The following RDH13 variants were observed in gnomAD, a reference collection of about 807,000 sequenced individuals.
RDH13 encodes the protein retinol dehydrogenase 13.
A neutral mutation model predicts 28.3 loss-of-function variants in RDH13; 35 were observed. That is an observed-to-expected ratio of 1.24 (90% confidence interval 0.95 to 1.64). The LOEUF (loss-of-function observed/expected upper bound fraction) is 1.64, where lower values mean the gene tolerates loss of function less well. Among genes scored for constraint, RDH13 ranks in the 40% most tolerant of loss-of-function variants. The pLI is 0.00. For missense variants in RDH13, 514 were observed against 446.3 expected (o/e 1.15, Z -1.37); for synonymous variants, 229 against 198.5 (o/e 1.15, Z -1.29).
At chr19:55,055,593 A>C (rs1419529721) in intron 3 of RDH13, among the ~76,000 whole-genome samples, 2 of 151,514 alleles carry the variant, frequency 1.3e-5, no homozygotes, top group East Asian at 2.0e-4. Context: ...TAATCCCAGC[A>C]CTGTGGGAAG....
rs753110045 is a variant in RDH13 at position 55,062,979 on chromosome 19, G to A, written c.54C>T (p.Ala18=). The change falls in exon 1 of 7, where the codon GCC becomes GCT. Residue 18 remains alanine, a synonymous_variant. Transcript: ENST00000415061. ...LSALGTVAGA[A]VLLKDYVTGG... ...TAGAATGTACTCACTTGAGCAGCAC[G>A]GCGGCGCCTGCTACCGTGCCCAGCG... The A allele has an allele frequency of 1.9e-5, 28 of 1,477,722 alleles. No individual in the cohort carries two copies. In the African/African-American group the frequency reaches 3.2e-4, roughly 17 times the overall value. The allele number at this position is 1,477,722 out of a possible 1,614,324, so 91.5% of individuals were successfully genotyped here.
intron 3 of RDH13, among the ~76,000 whole-genome samples, chr19:55,049,307 C>T (rs1178725956): frequency 6.6e-6 from 1 of 152,162 alleles, no homozygotes; most frequent in African/African-American, 2.4e-5. Context: ...CGGTGGGAGC[C>T]CCGGCACCGC....
intron 2 of RDH13, among the ~76,000 whole-genome samples, chr19:55,057,564 C>G (rs1181720558): frequency 6.6e-6 from 1 of 151,798 alleles, no homozygotes; most frequent in Non-Finnish European, 1.5e-5. Flanking sequence ...TCCCGAGTAG[C>G]TGGGATTACA....
chr19:55,047,487 G>A lies in RDH13; in HGVS notation c.660C>T (p.Gly220=), dbSNP rs541257399. ...GCAGGGCGTTGACAGTCACACCAGA[G>A]CCTGGGGAAGAAAGAAAGAGAAGAC... ...FTKELSRRLQ[G]SGVTVNALHP... is the part of the protein sequence containing the mutation. Residue 220 remains glycine (G), a splice_region_variant and synonymous_variant, in exon 6 of 7, where the codon GGC becomes GGT. Transcript: ENST00000415061. 4.4e-6 allele frequency: 7 copies of A among 1,604,806 alleles called. No homozygotes were observed. Among genetic ancestry groups the A allele is most frequent in the Non-Finnish European group, 5.9e-6 (7 of 1,179,284 alleles).
chr19:55,059,652 A>AC (rs1210465710), intron 1 of RDH13, among the ~76,000 whole-genome samples: 9 of 152,058 alleles, frequency 5.9e-5, no homozygotes, highest in Non-Finnish European at 1.0e-4. Context: ...ACATGGCGAG[A>AC]CCCCGTCTCT....
chr19:55,057,120 A>G (rs1276203222), intron 2 of RDH13, among the ~76,000 whole-genome samples: 1 of 152,174 alleles, frequency 6.6e-6, no homozygotes, highest in Non-Finnish European at 1.5e-5. Context: ...AAGACCACAC[A>G]GCGTACAATC....
downstream of RDH13, chr19:55,040,660 G>A (rs146876314): frequency 1.9e-3 from 292 of 152,264 alleles, no homozygotes; most frequent in African/African-American, 6.9e-3. Context: ...AATTTTAAAC[G>A]TGTTAATAAA....
downstream of RDH13, chr19:55,042,669 C>G (rs754183535): frequency 6.6e-6 from 1 of 152,194 alleles, no homozygotes; most frequent in African/African-American, 2.4e-5. Context: ...GGGTAGTCTT[C>G]CAATTCCCCC....
chr19:55,046,936 T>TG (rs2075254753), intron 6 of RDH13: 1 of 174,520 alleles, frequency 5.7e-6, no homozygotes, highest in South Asian at 1.8e-4. Flanking sequence ...ACCTATTCTC[T>TG]GGGCGGGGTC....
At chr19:55,044,194 CCTGTTGCCCTGGTGATAAA>C, downstream of RDH13, 1 of 152,310 alleles carries the variant, frequency 6.6e-6, no homozygotes, top group East Asian at 1.9e-4. Flanking sequence ...TTTTGCATGG[CCTGTTGCCCTGGTGATAAA>C]CTGATGCCTT....
At chr19:55,039,896 A>G (rs1305287237), downstream of RDH13, among the ~76,000 whole-genome samples, 1 of 152,208 alleles carries the variant, frequency 6.6e-6, no homozygotes, top group East Asian at 1.9e-4. Context: ...AACGTGATGG[A>G]CCTTGAAGAC....
At chr19:55,039,439 T>C (rs141443125), downstream of RDH13, 11,971 of 152,196 alleles carry the variant, frequency 0.079, 539 homozygotes, top group Non-Finnish European at 0.1. Flanking sequence ...TCCCAGCTAC[T>C]TGGGAGACGG....
chr19:55,067,924 CTCA>C (rs2075988317), upstream of RDH13, among the ~76,000 whole-genome samples: 4 of 148,780 alleles, frequency 2.7e-5, no homozygotes, highest in African/African-American at 7.5e-5. Flanking sequence ...TTTTCTCTCT[CTCA>C]TCTCTCTGTC....
intron 3 of RDH13, among the ~76,000 whole-genome samples, chr19:55,055,349 C>T (rs2075596449): frequency 6.6e-6 from 1 of 151,468 alleles, no homozygotes; most frequent in Non-Finnish European, 1.5e-5. Context: ...GACAGGGTTT[C>T]ACCATGTTGG....
At chr19:55,059,306 G>A in intron 1 of RDH13, 31 bp from the exon 2 acceptor site, 1 of 1,449,596 alleles carries the variant, frequency 6.9e-7, no homozygotes, top group East Asian at 2.4e-5. Context: ...GGTCAGTCCT[G>A]TGGGCCCACT....
At chr19:55,061,947 G>A (rs1266054151) in intron 1 of RDH13, among the ~76,000 whole-genome samples, 4 of 152,014 alleles carry the variant, frequency 2.6e-5, no homozygotes, top group East Asian at 1.9e-4. Flanking sequence ...GAGAAACCTC[G>A]TCTCTACTAA....
intron 1 of RDH13, among the ~76,000 whole-genome samples, chr19:55,059,586 T>TGGGGGGGGCAAAGGTTGGGGGGGG (rs2075747942): frequency 1.3e-5 from 1 of 79,240 alleles, no homozygotes; most frequent in Non-Finnish European, 2.4e-5. Context: ...GTTTTGGGGG[T>TGGGGGGGGCAAAGGTTGGGGGGGG]GGGGGGGGGC....
chr19:55,056,860 C>A (rs938193928), intron 2 of RDH13, 52 bp from the exon 3 acceptor site: 5 of 1,472,598 alleles, frequency 3.4e-6, no homozygotes, highest in Non-Finnish European at 4.7e-6. Flanking sequence ...CTCCTGGGTA[C>A]TGACCCCAGA....
rs1352359531 is a variant in RDH13, at chr19:55,063,082, T to C, written c.-50A>G. ...CGTCAGGGGTCGGCGCGGAGCTTGC[T>C]GCACACCAGCCGCCTGGGTAGCTCC... On this transcript the variant is annotated 5_prime_UTR_variant, in exon 1 of 7. Transcript: ENST00000415061. 4.9e-6 allele frequency: 6 copies of C among 1,230,480 alleles called. No individual in the cohort carries two copies. The South Asian group carries it at 6.5e-5, about 13-fold the overall frequency. 76.2% of individuals were successfully genotyped at this position (1,230,480 alleles called of 1,614,324 possible).
Sources: gnomAD v4.1 joint callset for allele counts (sites outside exome capture counted in the v4.1 genomes callset) on GRCh38, gnomAD v4.1.1 for gene constraint, MANE v1.5 for transcripts, NCBI Gene and HGNC (gene_info 2026-07-23, HGNC 2026-07-21) for gene names.